CNBD1: variants seen among roughly 807,000 people sequenced by gnomAD.
CNBD1 encodes cyclic nucleotide-binding domain-containing protein 1.
CNBD1 carries 71 observed loss-of-function variants against 54.4 expected under a neutral mutation model. That is an observed-to-expected ratio of 1.30 (90% CI 1.08 to 1.59). The LOEUF is 1.59. CNBD1 is among the 40% of genes most tolerant of loss of function. The probability of loss-of-function intolerance (pLI) is 0.00; values close to 1 mark genes in which losing one functional copy is unlikely to be tolerated. For synonymous variants in CNBD1, 182 were observed against 170.7 expected (o/e 1.07, Z -0.51); for missense variants, 659 against 518.0 (o/e 1.27, Z -2.64).
intron 4 of CNBD1, among the ~76,000 whole-genome samples, chr8:86,948,762 T>C (rs1050570467): frequency 3.9e-5 from 6 of 152,178 alleles, no homozygotes; most frequent in Non-Finnish European, 8.8e-5. Flanking sequence ...CTTTACAACT[T>C]GATGTGATCT....
At chr8:87,381,584 T>G (rs973768383) in intron 10 of CNBD1, among the ~76,000 whole-genome samples, 3 of 152,008 alleles carry the variant, frequency 2.0e-5, no homozygotes, top group African/African-American at 7.2e-5. Flanking sequence ...CCATGTTAAT[T>G]GCAGCATTAT....
chr8:87,338,175 G>T (rs527375514), intron 8 of CNBD1, among the ~76,000 whole-genome samples: 20 of 152,184 alleles, frequency 1.3e-4, no homozygotes, highest in African/African-American at 4.8e-4. Context: ...TTTAAGTAAC[G>T]TTATAAGAAT....
intron 4 of CNBD1, among the ~76,000 whole-genome samples, chr8:87,055,847 T>TCCTC (rs1321334179): frequency 1.4e-5 from 2 of 145,128 alleles, no homozygotes; most frequent in Non-Finnish European, 3.0e-5. Flanking sequence ...TTTCCTTCCT[T>TCCTC]CCTCCCTCCC....
intron 10 of CNBD1, among the ~76,000 whole-genome samples, chr8:87,370,912 T>C (rs1306896043): frequency 1.3e-5 from 2 of 151,356 alleles, no homozygotes. Context: ...GTATAAGGTA[T>C]AAGGAAGGGA....
intron 8 of CNBD1, among the ~76,000 whole-genome samples, chr8:87,293,095 T>C (rs987522390): frequency 2.6e-5 from 4 of 152,190 alleles, no homozygotes; most frequent in African/African-American, 7.2e-5. Flanking sequence ...TGGTCTCCTT[T>C]GTGAATACCT....
intron 4 of CNBD1, among the ~76,000 whole-genome samples, chr8:87,049,226 C>T (rs189244695): frequency 1.3e-5 from 2 of 152,282 alleles, no homozygotes; most frequent in African/African-American, 4.8e-5. Flanking sequence ...CTCATGTACT[C>T]TGCAATGCAT....
At chr8:87,235,773 A>T (rs1807573295) in intron 5 of CNBD1, among the ~76,000 whole-genome samples, 1 of 152,186 alleles carries the variant, frequency 6.6e-6, no homozygotes, top group African/African-American at 2.4e-5. Flanking sequence ...GTGCTGATAG[A>T]CTTGCTAGAT....
rs186175781 is a variant in CNBD1, at chr8:87,189,715, G to A, written c.432-16278G>A. On this transcript the variant is annotated intron_variant, in intron 4 of 10. Transcript: ENST00000518476. ...GCTGTGCCTCTGATGTGTGCACTCC[G>A]CGAATGACCAAACCCAATTTCTGGA... Among the ~76,000 whole-genome samples the A allele has an allele frequency of 6.0e-4, 92 of 152,196 alleles. 1 individual carries two copies. Among genetic ancestry groups the A allele is most frequent in the African/African-American group, 1.8e-3 (74 of 41,534 alleles).
chr8:87,131,954 G>A (rs553592374), intron 4 of CNBD1, among the ~76,000 whole-genome samples: 2 of 151,914 alleles, frequency 1.3e-5, no homozygotes, highest in Non-Finnish European at 2.9e-5. Flanking sequence ...GACTGACTTT[G>A]TTTCCCTTCA....
intron 10 of CNBD1, among the ~76,000 whole-genome samples, chr8:87,355,103 C>A (rs1266104664): frequency 6.6e-6 from 1 of 152,132 alleles, no homozygotes. Flanking sequence ...AGAGATATTT[C>A]ACAGACAAAT....
At chr8:86,908,865 A>T (rs1809058332) in intron 3 of CNBD1, among the ~76,000 whole-genome samples, 1 of 148,984 alleles carries the variant, frequency 6.7e-6, no homozygotes. Context: ...TCCCAGGTTC[A>T]AGTGATTCTC....
intron 8 of CNBD1, among the ~76,000 whole-genome samples, chr8:87,314,931 A>T (rs530242500): frequency 6.6e-6 from 1 of 152,192 alleles, no homozygotes; most frequent in South Asian, 2.1e-4. Context: ...TGCTGCAAAG[A>T]TGTCTTTTAT....
At chr8:87,350,268 C>T (rs1489741401) in intron 8 of CNBD1, among the ~76,000 whole-genome samples, 2 of 152,024 alleles carry the variant, frequency 1.3e-5, no homozygotes, top group South Asian at 2.1e-4. Flanking sequence ...AAAAAGACAA[C>T]AGAAGAGTTA....
intron 4 of CNBD1, among the ~76,000 whole-genome samples, chr8:86,985,220 T>G (rs556896010): frequency 2.0e-5 from 3 of 152,274 alleles, no homozygotes; most frequent in Admixed American, 2.0e-4. Flanking sequence ...TCCCCAGCCA[T>G]GTGGAACTTT....
At chr8:86,920,060 C>G (rs947157729) in intron 3 of CNBD1, among the ~76,000 whole-genome samples, 1 of 151,716 alleles carries the variant, frequency 6.6e-6, no homozygotes, top group East Asian at 1.9e-4. Context: ...AAAGTTTCTA[C>G]TGGGAGAATT....
At chr8:87,000,997 T>TAGAA (rs1450362104) in intron 4 of CNBD1, among the ~76,000 whole-genome samples, 1 of 152,176 alleles carries the variant, frequency 6.6e-6, no homozygotes, top group East Asian at 1.9e-4. Context: ...AACATTTTTC[T>TAGAA]ACATTTTATC....
In CNBD1 at chr8:87,154,889, A is replaced by G. The variant is rs149523947; in HGVS notation, c.432-51104A>G. On this transcript the variant is annotated intron_variant, in intron 4 of 10. Transcript: ENST00000518476. ...GTACTCCATTGATGTGGCACATCCA[A>G]CTTTACTCACTCCACGCTAATGGGG... Among the ~76,000 whole-genome samples the G allele has an allele frequency of 6.2e-4, 94 of 152,198 alleles. 1 individual carries two copies. The highest frequency in any genetic ancestry group is 1.9e-3 in the African/African-American group (80 of 41,538).
chr8:86,870,419 G>T (rs941652660), intron 1 of CNBD1, among the ~76,000 whole-genome samples: 1 of 151,694 alleles, frequency 6.6e-6, no homozygotes, highest in African/African-American at 2.4e-5. Flanking sequence ...GAATGGTCTC[G>T]ATCTCCTGAC....
chr8:87,074,864 C>T (rs533056145), intron 4 of CNBD1, among the ~76,000 whole-genome samples: 4 of 152,346 alleles, frequency 2.6e-5, no homozygotes, highest in Admixed American at 2.6e-4. Flanking sequence ...GAAGCTGCTT[C>T]TAATCAGCCA....
Sources: allele counts gnomAD v4.1 joint callset (sites outside exome capture counted in the v4.1 genomes callset), GRCh38; gene constraint gnomAD v4.1.1; transcripts MANE v1.5; gene names NCBI Gene and HGNC (gene_info 2026-07-23, HGNC 2026-07-21).